The following MAML1 variants were observed in gnomAD, a reference collection of about 807,000 sequenced individuals.
MAML1 encodes mastermind like transcriptional coactivator 1, also known as mastermind-like protein 1.
Under a neutral mutation model 77.1 loss-of-function variants are expected in MAML1, and 14 were observed. That is an observed-to-expected ratio of 0.18 (90% CI 0.12 to 0.28). MAML1 has a LOEUF of 0.28. MAML1 is among the 10% of genes least tolerant of loss of function. The pLI is 1.00. For missense variants in MAML1, 1,217 were observed against 1,327.8 expected (o/e 0.92, Z 1.30); for synonymous variants, 516 against 551.9 (o/e 0.93, Z 0.91).
chr5:179,742,045 G>T (rs1779293672), intron 1 of MAML1, among the ~76,000 whole-genome samples: 2 of 151,542 alleles, frequency 1.3e-5, no homozygotes, highest in South Asian at 4.2e-4. Context: ...CTAATTTTTT[G>T]TATTTTTAGT....
At chr5:179,760,964 A>G (rs6876521) in intron 1 of MAML1, among the ~76,000 whole-genome samples, 141,522 of 152,016 alleles carry the variant, frequency 0.93, 66,741 homozygotes, top group East Asian at 1. Flanking sequence ...GCGTGGTGGC[A>G]GGCGCCTGTA....
Position 179,769,805 on chromosome 5 carries a change from G to A in MAML1, c.1971+716G>A, listed in dbSNP as rs951192627. Among the ~76,000 whole-genome samples the A allele has an allele frequency of 9.9e-5, 15 of 151,918 alleles. No individual in the cohort carries two copies. Among genetic ancestry groups the A allele is most frequent in the African/African-American group, 3.1e-4 (13 of 41,362 alleles). The stretch of plus-strand genomic sequence containing the variant: ...TGACCTCAAGTGATCCACTCATCTC[G>A]GCCTCCCAAAGTGCTGAGATTACAG... On this transcript the variant is annotated intron_variant, in intron 3 of 4. Transcript: ENST00000292599. This position sits in a 1 kb window ranked among gnomAD's most constrained non-coding sequence, Gnocchi z 4.2.
chr5:179,755,410 G>A (rs1779591414), intron 1 of MAML1, among the ~76,000 whole-genome samples: 1 of 152,232 alleles, frequency 6.6e-6, no homozygotes, highest in South Asian at 2.1e-4. Context: ...AAAGGGCAAG[G>A]CTTTGGTCTT....
chr5:179,750,731 G>A (rs1362274480), intron 1 of MAML1, among the ~76,000 whole-genome samples: 1 of 152,142 alleles, frequency 6.6e-6, no homozygotes, highest in Non-Finnish European at 1.5e-5. Context: ...CAAAGTGCTG[G>A]GATTACAGGC....
At chr5:179,748,798 C>G (rs1295751453) in intron 1 of MAML1, among the ~76,000 whole-genome samples, 1 of 152,158 alleles carries the variant, frequency 6.6e-6, no homozygotes, top group Non-Finnish European at 1.5e-5. Flanking sequence ...TATCAAGAAT[C>G]AGAATGTCTT....
intron 1 of MAML1, among the ~76,000 whole-genome samples, chr5:179,739,213 A>G (rs1223965560): frequency 2.6e-5 from 4 of 152,178 alleles, no homozygotes; most frequent in Admixed American, 6.5e-5. Flanking sequence ...CAGTACAACA[A>G]TTAACACAAA....
chr5:179,743,953 A>G (rs183357403), intron 1 of MAML1, among the ~76,000 whole-genome samples: 392 of 152,312 alleles, frequency 2.6e-3, no homozygotes, highest in Non-Finnish European at 4.3e-3. Flanking sequence ...TGGTTACATC[A>G]GTTTTTAAAA....
chr5:179,752,523 T>A (rs1256309794), intron 1 of MAML1, among the ~76,000 whole-genome samples: 8 of 98,630 alleles, frequency 8.1e-5, no homozygotes, highest in Non-Finnish European at 9.2e-5. Context: ...CACTTGTGGC[T>A]GGCATATTTC....
chr5:179,764,248 G>C (rs946530644), intron 1 of MAML1, among the ~76,000 whole-genome samples: 9 of 152,142 alleles, frequency 5.9e-5, no homozygotes, highest in African/African-American at 2.2e-4. Context: ...ACTTGTCTCT[G>C]GCACAAGGCA....
Position 179,776,823 on chromosome 5 carries a change from G to A in MAML1, c.*1946G>A. 2.0e-6 allele frequency: 2 copies of A among 985,946 alleles called. No homozygotes were observed. Among genetic ancestry groups the A allele is most frequent in the Non-Finnish European group, 2.4e-6 (2 of 830,000 alleles). 61.1% of individuals were successfully genotyped at this position (985,946 alleles called of 1,614,324 possible). A position where few individuals can be genotyped will look rare whatever the true frequency, so the allele number is the denominator to read the frequency against. ...GTCATAGCAATAAAATGTGATTCTT[G>A]GGGTCCCCCCAGGGAGCTGCCCATG... On this transcript the variant is annotated 3_prime_UTR_variant, in exon 5 of 5. Coordinates refer to ENST00000292599, the MANE Select transcript of MAML1 (RefSeq NM_014757.5).
At chr5:179,748,336 C>G (rs982335905) in intron 1 of MAML1, among the ~76,000 whole-genome samples, 1 of 151,982 alleles carries the variant, frequency 6.6e-6, no homozygotes, top group Admixed American at 6.6e-5. Flanking sequence ...CCCACCTCAG[C>G]CTCTCAAAGT....
intron 2 of MAML1, among the ~76,000 whole-genome samples, chr5:179,768,290 T>G (rs1250444749): frequency 6.6e-6 from 1 of 152,148 alleles, no homozygotes; most frequent in Non-Finnish European, 1.5e-5. Flanking sequence ...AACCCCCATC[T>G]CTACTAAAAA....
intron 2 of MAML1, among the ~76,000 whole-genome samples, chr5:179,767,270 G>A (rs1027866681): frequency 6.6e-6 from 1 of 151,972 alleles, no homozygotes; most frequent in African/African-American, 2.4e-5. Context: ...ATGGCCCTTC[G>A]GGTTGTTTCC....
chr5:179,742,989 T>TATA (rs1038137273), intron 1 of MAML1, among the ~76,000 whole-genome samples: 1 of 151,780 alleles, frequency 6.6e-6, no homozygotes, highest in Non-Finnish European at 1.5e-5. Context: ...AAAAGCCTTA[T>TATA]ATTTGAGACT....
chr5:179,733,175 G>A lies in MAML1; in HGVS notation c.63G>A (p.Glu21=), dbSNP rs1412963446. 3 of 1,471,188 alleles carry A rather than the reference G, an allele frequency of 2.0e-6. No individual in the cohort carries two copies. Among genetic ancestry groups the A allele is most frequent in the Non-Finnish European group, 1.8e-6 (2 of 1,114,620 alleles). The allele number at this position is 1,471,188 out of a possible 1,614,324, so 91.1% of individuals were successfully genotyped here. A position where few individuals can be genotyped will look rare whatever the true frequency, so the allele number is the denominator to read the frequency against. ...TGCCGCGGCACAGCGCGGTCATGGAGCGCCTTCGCCGGCGCATCGAGCTGT... is the reference window on the plus strand; with the variant it reads ...TGCCGCGGCACAGCGCGGTCATGGAACGCCTTCGCCGGCGCATCGAGCTGT... The part of the protein sequence containing the change: ...FALPRHSAVM[E]RLRRRIELCR... Residue 21 remains glutamate, a synonymous_variant, in exon 1 of 5, where the codon GAG becomes GAA. Transcript: ENST00000292599.
chr5:179,748,905 C>G (rs967094291), intron 1 of MAML1, among the ~76,000 whole-genome samples: 1 of 151,870 alleles, frequency 6.6e-6, no homozygotes, highest in African/African-American at 2.4e-5. Flanking sequence ...ACTTCTGTAC[C>G]TAGCCTAACT....
chr5:179,742,700 G>C (rs565904225), intron 1 of MAML1, among the ~76,000 whole-genome samples: 1 of 151,904 alleles, frequency 6.6e-6, no homozygotes, highest in Admixed American at 6.6e-5. Flanking sequence ...CCAGGTACTT[G>C]GGAGGCTGAG....
chr5:179,733,364 G>A lies in MAML1; in HGVS notation c.252G>A (p.Ala84=). The A allele has an allele frequency of 2.4e-6, 3 of 1,233,446 alleles. No individual in the cohort carries two copies. Among genetic ancestry groups the A allele is most frequent in the East Asian group, 3.6e-5 (1 of 27,658 alleles). 76.4% of individuals were successfully genotyped at this position (1,233,446 alleles called of 1,614,324 possible). A position where few individuals can be genotyped will look rare whatever the true frequency, so the allele number is the denominator to read the frequency against. The change falls in exon 1 of 5, where the codon GCG becomes GCA. Residue 84 remains alanine (A), a synonymous_variant. Transcript: ENST00000292599. ...AGCCGCCCGCCGCCACGGCCCCGGC[G>A]CCCGCCGCCCCGGCCCCGCGCCTGG... is the stretch of plus-strand genomic sequence containing the variant. ...HRQPPAATAP[A]PAAPAPRLDA...
At chr5:179,761,579 C>T (rs979974636) in intron 1 of MAML1, among the ~76,000 whole-genome samples, 1 of 152,200 alleles carries the variant, frequency 6.6e-6, no homozygotes, top group East Asian at 1.9e-4. Context: ...CCTGTAATCC[C>T]CGCTGCTCGA....
Sources: allele counts gnomAD v4.1 joint callset (sites outside exome capture counted in the v4.1 genomes callset), GRCh38; gene constraint gnomAD v4.1.1; non-coding constraint Gnocchi (gnomAD v3.1); transcripts MANE v1.5; gene names NCBI Gene and HGNC (gene_info 2026-07-23, HGNC 2026-07-21).